FERMT2: variants seen among roughly 807,000 people sequenced by gnomAD.
The protein encoded by FERMT2 is FERM domain containing kindlin 2, also known as fermitin family homolog 2.
Under a neutral mutation model 82.7 loss-of-function variants are expected in FERMT2, and 15 were observed. The observed-to-expected ratio is 0.18, with a 90% CI of 0.12 to 0.28. The LOEUF (loss-of-function observed/expected upper bound fraction) is 0.28, where lower values mean the gene tolerates loss of function less well. Ranked by LOEUF, FERMT2 falls within the 10% of genes least tolerant of loss-of-function variation. FERMT2 has a pLI of 1.00. For missense variants in FERMT2, 645 were observed against 809.4 expected (o/e 0.80, Z 2.46); for synonymous variants, 274 against 271.5 (o/e 1.01, Z -0.09).
intron 3 of FERMT2, among the ~76,000 whole-genome samples, chr14:52,916,420 G>A (rs1193032814): frequency 6.6e-6 from 1 of 151,616 alleles, no homozygotes; most frequent in East Asian, 1.9e-4. Flanking sequence ...AAACTTAAAT[G>A]CCTATTACGA....
intron 4 of FERMT2, among the ~76,000 whole-genome samples, chr14:52,886,268 TG>T (rs886468994): frequency 2.1e-5 from 3 of 144,936 alleles, no homozygotes; most frequent in Admixed American, 7.1e-5. Flanking sequence ...CAGAAACTCT[TG>T]GGGGGGAGAG....
chr14:52,936,489 A>G (rs1006894611), intron 2 of FERMT2, among the ~76,000 whole-genome samples: 3 of 152,146 alleles, frequency 2.0e-5, no homozygotes, highest in Non-Finnish European at 4.4e-5. Context: ...TAAATCTTTT[A>G]AACCTGGTTC....
chr14:52,893,387 G>A lies in FERMT2; in HGVS notation c.432C>T (p.Pro144=). Residue 144 remains proline, a synonymous_variant, in exon 4 of 15, where the codon CCC becomes CCT. Coordinates refer to ENST00000341590, the MANE Select transcript of FERMT2 (RefSeq NM_006832.3). ...TCTTTTTTTTCTTTGTTGGATCTCT[G>A]GGTTTCTTTAAGAGAGAAAGTTCTT... The part of the protein sequence containing the change: ...HPEELSLLKK[P]RDPTKKKKKK... The A allele has an allele frequency of 6.2e-7, 1 of 1,611,438 alleles. No homozygotes were observed. Among genetic ancestry groups the A allele is most frequent in the Non-Finnish European group, 8.5e-7 (1 of 1,178,828 alleles).
chr14:52,909,788 C>T (rs764085423), intron 3 of FERMT2, among the ~76,000 whole-genome samples: 1 of 152,054 alleles, frequency 6.6e-6, no homozygotes, highest in Non-Finnish European at 1.5e-5. Context: ...TTAAAAATCC[C>T]TCATGCCTGT....
intron 3 of FERMT2, among the ~76,000 whole-genome samples, chr14:52,905,247 TAAATC>T: frequency 6.7e-6 from 1 of 149,158 alleles, no homozygotes; most frequent in East Asian, 2.0e-4. Flanking sequence ...CTAAAATTGA[TAAATC>T]AAGAAGTAAC....
At chr14:52,875,092 A>G (rs1885874319) in intron 8 of FERMT2, 131 bp downstream of exon 8, 1 of 793,648 alleles carries the variant, frequency 1.3e-6, no homozygotes, top group Non-Finnish European at 1.9e-6. Context: ...TGAAAAATTA[A>G]CATCTGATTT....
chr14:52,861,035 C>A, intron 12 of FERMT2: 1 of 1,505,500 alleles, frequency 6.6e-7, no homozygotes, highest in Non-Finnish European at 8.8e-7. Flanking sequence ...TATAGCCTGG[C>A]TGTAGATGGC....
chr14:52,929,926 C>A (rs1305276532), intron 2 of FERMT2, among the ~76,000 whole-genome samples: 1 of 152,168 alleles, frequency 6.6e-6, no homozygotes, highest in Non-Finnish European at 1.5e-5. Flanking sequence ...CAGCACCTAG[C>A]ACAGTGCTGG....
intron 12 of FERMT2, chr14:52,860,815 T>C (rs1884883925): frequency 1.6e-6 from 1 of 616,452 alleles, no homozygotes; most frequent in Non-Finnish European, 2.8e-6. Context: ...TTTAGCACTA[T>C]GTCTATAATC....
chr14:52,864,964 T>C (rs1439368895), intron 10 of FERMT2, 111 bp from the exon 11 acceptor site: 1 of 688,434 alleles, frequency 1.5e-6, no homozygotes, highest in Non-Finnish European at 2.5e-6. Context: ...TTTGCCATAG[T>C]ATTTTATGAA....
rs189221935 is a variant in FERMT2 at position 52,903,437 on chromosome 14, C to T, written c.392-10010G>A. On this transcript the variant is annotated intron_variant, in intron 3 of 14. Coordinates refer to ENST00000341590, the MANE Select transcript of FERMT2 (RefSeq NM_006832.3). ...CCTGTAGTCTCAGCTACTGGAGAAG[C>T]TGAAGCAGGAAGATTACTTGAGGCC... 4.6e-3 allele frequency among the ~76,000 whole-genome samples: 695 copies of T among 152,018 alleles called. 2 individuals are homozygous for T. The highest frequency in any genetic ancestry group is 6.8e-3 in the Non-Finnish European group (465 of 67,986).
At chr14:52,863,135 C>T (rs891179223) in intron 12 of FERMT2, 6 of 152,132 alleles carry the variant, frequency 3.9e-5, no homozygotes, top group African/African-American at 1.2e-4. Context: ...CCATACAGTT[C>T]CCCAGGGCAG....
In FERMT2 at chr14:52,878,623, C is replaced by G. The variant is rs760827608; in HGVS notation, c.922G>C (p.Glu308Gln). The G allele has an allele frequency of 6.2e-7, 1 of 1,611,004 alleles. No homozygotes were observed. Among genetic ancestry groups the G allele is most frequent in the African/African-American group, 1.3e-5 (1 of 74,818 alleles). Reference protein sequence around the residue: ...AKWAILLEEIECTEEEMMMFA... With the variant: ...AKWAILLEEIQCTEEEMMMFA... ...ATCATCATTTCTTCTTCTGTGCATT[C>G]AATCTCTTCCAGGAGAATGGCCCAT... The change falls in exon 7 of 15, where the codon GAA (glutamate) becomes CAA (glutamine). Residue 308 changes from glutamate to glutamine, a missense_variant. Glu to Gln is a conservative substitution (Grantham distance 29). Transcript: ENST00000341590.
At chr14:52,873,577 C>T (rs574647124) in intron 9 of FERMT2, 1 of 152,548 alleles carries the variant, frequency 6.6e-6, no homozygotes, top group East Asian at 1.9e-4. Flanking sequence ...ATATTTTGAA[C>T]TGCTGTATGT....
Position 52,882,833 on chromosome 14 carries a change from C to T in FERMT2, c.527-1364G>A, listed in dbSNP as rs576112435. ...AGTTTTTACTGAAAATATGTAATCT[C>T]TTGCTGGACACAGGATATTTGATTT... On this transcript the variant is annotated intron_variant, in intron 4 of 14. Coordinates refer to ENST00000341590, the MANE Select transcript of FERMT2 (RefSeq NM_006832.3). Among the ~76,000 whole-genome samples, 4 of 152,132 alleles carry T rather than the reference C, an allele frequency of 2.6e-5. No homozygotes were observed. The South Asian group carries it at 8.3e-4, about 32-fold the overall frequency.
intron 10 of FERMT2, among the ~76,000 whole-genome samples, chr14:52,865,814 G>A (rs1885241604): frequency 6.6e-6 from 1 of 152,054 alleles, no homozygotes; most frequent in Admixed American, 6.5e-5. Flanking sequence ...AAATATTTTA[G>A]TATTAAATAA....
At chr14:52,893,516 G>T in intron 3 of FERMT2, 89 bp from the exon 4 acceptor site, 1 of 1,011,176 alleles carries the variant, frequency 9.9e-7, no homozygotes, top group Non-Finnish European at 1.4e-6. Flanking sequence ...ATAAGAATGT[G>T]TAACTTCCTT....
At chr14:52,919,444 T>C in intron 2 of FERMT2, 88 bp from the exon 3 acceptor site, 2 of 832,514 alleles carry the variant, frequency 2.4e-6, no homozygotes, top group Admixed American at 3.0e-5. Context: ...TAATTGGGTA[T>C]TTAACAGCAA....
At chr14:52,859,366 A>G in intron 14 of FERMT2, 1 of 473,554 alleles carries the variant, frequency 2.1e-6, no homozygotes, top group Non-Finnish European at 3.6e-6. Flanking sequence ...CAACATTCTA[A>G]GCAAATTATG....
Sources: allele counts gnomAD v4.1 joint callset (sites outside exome capture counted in the v4.1 genomes callset), GRCh38; gene constraint gnomAD v4.1.1; transcripts MANE v1.5; gene names NCBI Gene and HGNC (gene_info 2026-07-23, HGNC 2026-07-21).